Variants in SLC24A2 observed in about 807,000 individuals in gnomAD.
SLC24A2 encodes sodium/potassium/calcium exchanger 2.
SLC24A2 carries 36 observed loss-of-function variants against 62.0 expected under a neutral mutation model. The observed-to-expected ratio is 0.58, with a 90% CI of 0.44 to 0.77. The LOEUF is 0.77. Ranked by LOEUF, SLC24A2 falls within the 30% of genes least tolerant of loss-of-function variation. SLC24A2 has a pLI of 0.00. For synonymous variants in SLC24A2, 358 were observed against 294.0 expected, an observed-to-expected ratio of 1.22 and a Z score of -2.23; for missense variants, 846 against 817.9, an observed-to-expected ratio of 1.03 and a Z score of -0.42.
intron 2 of SLC24A2, among the ~76,000 whole-genome samples, chr9:19,652,762 G>C (rs368837185): frequency 6.6e-6 from 1 of 152,132 alleles, no homozygotes; most frequent in East Asian, 1.9e-4. Flanking sequence ...AGATCCTCGT[G>C]CCTATTCAAA....
At chr9:20,174,106 A>T in the SLC24A2 span, among the ~76,000 whole-genome samples, 1 of 152,068 alleles carries the variant, frequency 6.6e-6, no homozygotes, top group Non-Finnish European at 1.5e-5. Flanking sequence ...AGGAAAGGAC[A>T]TCCTATTCAA....
the SLC24A2 span, among the ~76,000 whole-genome samples, chr9:20,137,070 G>A: frequency 1.3e-5 from 2 of 152,200 alleles, no homozygotes; most frequent in African/African-American, 2.4e-5. Context: ...TGGATGTGAG[G>A]CACATAGTAA....
At chr9:20,234,909 G>A in the SLC24A2 span, among the ~76,000 whole-genome samples, 1 of 152,134 alleles carries the variant, frequency 6.6e-6, no homozygotes, top group Non-Finnish European at 1.5e-5. Context: ...TTTTTGGTGT[G>A]GATGTCCTTT....
At chr9:20,247,934 T>C in the SLC24A2 span, among the ~76,000 whole-genome samples, 1 of 152,200 alleles carries the variant, frequency 6.6e-6, no homozygotes, top group Admixed American at 6.5e-5. Context: ...CTTATGAGAA[T>C]TGAGTTATTA....
At chr9:20,174,347 A>C in the SLC24A2 span, among the ~76,000 whole-genome samples, 1 of 151,906 alleles carries the variant, frequency 6.6e-6, no homozygotes, top group African/African-American at 2.4e-5. Flanking sequence ...AAAAAGGATA[A>C]ATAGCTGGGA....
chr9:19,982,366 C>G, the SLC24A2 span, among the ~76,000 whole-genome samples: 1 of 152,142 alleles, frequency 6.6e-6, no homozygotes, highest in African/African-American at 2.4e-5. Flanking sequence ...CCCATAAAGG[C>G]AAGCACAGTC....
intron 8 of SLC24A2, among the ~76,000 whole-genome samples, chr9:19,549,686 C>T (rs1294541178): frequency 1.3e-5 from 2 of 152,156 alleles, no homozygotes; most frequent in East Asian, 3.9e-4. Flanking sequence ...AAAGAAGCCT[C>T]CAGATGATGG....
At chr9:19,958,140 G>T in the SLC24A2 span, 2 of 152,090 alleles carry the variant, frequency 1.3e-5, no homozygotes, top group East Asian at 3.9e-4. Context: ...CAATGTGTAG[G>T]GTCTTTGAGG....
the SLC24A2 span, among the ~76,000 whole-genome samples, chr9:19,849,376 G>T: frequency 6.6e-5 from 10 of 152,068 alleles, no homozygotes; most frequent in Admixed American, 5.9e-4. Context: ...TATTTTAATT[G>T]TTAAAATTAT....
chr9:19,868,324 G>C, the SLC24A2 span, among the ~76,000 whole-genome samples: 3 of 151,986 alleles, frequency 2.0e-5, no homozygotes, highest in African/African-American at 7.2e-5. Flanking sequence ...TTTCAACCAA[G>C]ATTTGTGAAC....
chr9:19,809,734 C>T, the SLC24A2 span, among the ~76,000 whole-genome samples: 7 of 152,062 alleles, frequency 4.6e-5, no homozygotes, highest in East Asian at 1.9e-4. Context: ...ACTATGTAAA[C>T]GTCATACCTG....
the SLC24A2 span, among the ~76,000 whole-genome samples, chr9:20,073,919 G>GATATATATATATATATATAT: frequency 8.2e-4 from 115 of 140,746 alleles, no homozygotes; most frequent in African/African-American, 2.9e-3. Context: ...CTTGTGGGGA[G>GATATATATATATATATATAT]ATATATATAT....
At chr9:19,520,047 G>T (rs1446329966) in intron 10 of SLC24A2, among the ~76,000 whole-genome samples, 1 of 152,180 alleles carries the variant, frequency 6.6e-6, no homozygotes, top group Admixed American at 6.5e-5. Context: ...CATACACACA[G>T]TGCACATGGT....
the SLC24A2 span, among the ~76,000 whole-genome samples, chr9:19,874,573 A>G: frequency 2.0e-5 from 3 of 152,178 alleles, no homozygotes; most frequent in Non-Finnish European, 4.4e-5. Flanking sequence ...CTTTGACCCA[A>G]ATACTTTTCA....
chr9:20,132,378 C>T, the SLC24A2 span, among the ~76,000 whole-genome samples: 1 of 152,090 alleles, frequency 6.6e-6, no homozygotes, highest in Admixed American at 6.6e-5. Context: ...CTGTGATCCA[C>T]TATTGCATCA....
At chr9:19,682,560 C>A (rs12002250) in intron 2 of SLC24A2, among the ~76,000 whole-genome samples, 12,220 of 152,002 alleles carry the variant, frequency 0.08, 658 homozygotes, top group Middle Eastern at 0.17. Flanking sequence ...TGCAGAAAAC[C>A]CTGAGGAAAG....
chr9:19,580,172 G>T (rs2033408231), intron 5 of SLC24A2, among the ~76,000 whole-genome samples: 1 of 152,212 alleles, frequency 6.6e-6, no homozygotes, highest in Non-Finnish European at 1.5e-5. Context: ...CTTCTCCACA[G>T]ACCTCTTCAA....
chr9:20,022,810 T>C, the SLC24A2 span, among the ~76,000 whole-genome samples: 170 of 152,288 alleles, frequency 1.1e-3, 1 homozygote, highest in African/African-American at 3.7e-3. Flanking sequence ...AACAACCATC[T>C]ATTTGCTAAT....
the SLC24A2 span, among the ~76,000 whole-genome samples, chr9:20,086,070 T>G: frequency 6.6e-6 from 1 of 152,140 alleles, no homozygotes; most frequent in Non-Finnish European, 1.5e-5. Flanking sequence ...ACTGGATGCA[T>G]AAAACCAGAT....
Sources: gnomAD v4.1 joint callset for allele counts (sites outside exome capture counted in the v4.1 genomes callset) on GRCh38, gnomAD v4.1.1 for gene constraint, MANE v1.5 for transcripts, NCBI Gene and HGNC (gene_info 2026-07-23, HGNC 2026-07-21) for gene names.